The following CRY2 variants were observed in gnomAD, a reference collection of about 807,000 sequenced individuals.
The protein encoded by CRY2 is cryptochrome circadian regulator 2, also known as cryptochrome-2.
Under a neutral mutation model 69.5 loss-of-function variants are expected in CRY2, and 31 were observed. The ratio of observed to expected loss-of-function variants is 0.45; its 90% CI spans 0.34 to 0.60. CRY2 has a LOEUF of 0.60. Among genes scored for constraint, CRY2 ranks in the 20% least tolerant of loss-of-function variants. CRY2 has a pLI of 0.02. For synonymous variants in CRY2, 303 were observed against 312.2 expected (o/e 0.97, Z 0.31); for missense variants, 606 against 797.8 (o/e 0.76, Z 2.90).
intron 1 of CRY2, among the ~76,000 whole-genome samples, 159 bp downstream of exon 1, chr11:45,847,864 T>G (rs1388495153): frequency 5.3e-5 from 8 of 152,190 alleles, no homozygotes; most frequent in Non-Finnish European, 1.0e-4. Flanking sequence ...AACGCGCCGG[T>G]GGGCCAGGGT....
chr11:45,867,562 C>T (rs1339646672), intron 5 of CRY2, 50 bp from the exon 6 acceptor site: 3 of 1,602,872 alleles, frequency 1.9e-6, no homozygotes, highest in Admixed American at 3.4e-5. Context: ...CCATTTTTTC[C>T]TCTGTTACAT....
chr11:45,871,649 G>C (rs1464272209), intron 10 of CRY2, among the ~76,000 whole-genome samples: 1 of 152,252 alleles, frequency 6.6e-6, no homozygotes, highest in Admixed American at 6.5e-5. Flanking sequence ...CCTTCTTGGG[G>C]ATGAAGATGA....
intron 11 of CRY2, among the ~76,000 whole-genome samples, chr11:45,873,724 G>C (rs1565063946): frequency 1.3e-5 from 2 of 152,178 alleles, no homozygotes; most frequent in African/African-American, 2.4e-5. Flanking sequence ...AGATAAAAAG[G>C]AACAATAACC....
At chr11:45,874,820 G>A (rs1351827180) in intron 11 of CRY2, among the ~76,000 whole-genome samples, 1 of 152,088 alleles carries the variant, frequency 6.6e-6, no homozygotes, top group Non-Finnish European at 1.5e-5. Context: ...GCAGGTGCCT[G>A]TAGTCCCAGC....
intron 2 of CRY2, among the ~76,000 whole-genome samples, chr11:45,856,847 A>G (rs557136618): frequency 2.0e-5 from 3 of 151,590 alleles, no homozygotes; most frequent in Non-Finnish European, 4.4e-5. Context: ...CTTGTTTCCC[A>G]TGGGGTAAAT....
In CRY2 at chr11:45,856,097, G is replaced by C. The variant is rs185632883; in HGVS notation, c.324+7G>C. 6.2e-7 allele frequency: 1 copy of C among 1,605,240 alleles called. No individual in the cohort carries two copies. The highest frequency in any genetic ancestry group is 8.5e-7 in the Non-Finnish European group (1 of 1,172,050). On this transcript the variant is annotated splice_region_variant and intron_variant, in intron 2 of 11. Transcript: ENST00000616080. Reference sequence around the variant, plus strand: ...GTTCCCAAGGCTGTTCAAGGTAAGCGTGCAGAGCCCCAGAGAAGACAGTGA... The same window carrying C: ...GTTCCCAAGGCTGTTCAAGGTAAGCCTGCAGAGCCCCAGAGAAGACAGTGA...
rs1167188632 is a variant in CRY2 at position 45,862,109 on chromosome 11, A to G, written c.702A>G (p.Thr234=). ...CAGCTGTCTGGCAGGGAGGAGAGACAGAAGCTCTGGCCCGCCTGGATAAGC... is the reference window on the plus strand; with the variant it reads ...CAGCTGTCTGGCAGGGAGGAGAGACGGAAGCTCTGGCCCGCCTGGATAAGC... ...LGPAVWQGGE[T]EALARLDKHL... is the part of the protein sequence containing the mutation. The change falls in exon 5 of 12, where the codon ACA becomes ACG. Residue 234 remains threonine (T), a synonymous_variant. Coordinates refer to ENST00000616080, the MANE Select transcript of CRY2 (RefSeq NM_021117.5). The G allele has an allele frequency of 1.2e-6, 2 of 1,614,054 alleles. No individual in the cohort carries two copies. Among genetic ancestry groups the G allele is most frequent in the Non-Finnish European group, 8.5e-7 (1 of 1,179,974 alleles).
intron 11 of CRY2, among the ~76,000 whole-genome samples, chr11:45,879,358 G>A (rs141170237): frequency 2.0e-5 from 3 of 152,230 alleles, no homozygotes; most frequent in African/African-American, 7.2e-5. Flanking sequence ...TTTACCATGC[G>A]GCCTTAAAAG....
intron 3 of CRY2, among the ~76,000 whole-genome samples, chr11:45,859,172 A>C (rs547978527): frequency 6.6e-6 from 1 of 152,234 alleles, no homozygotes; most frequent in East Asian, 1.9e-4. Context: ...CCTGTGCCTC[A>C]TATTCCCACT....
At chr11:45,856,733 T>C (rs933157472) in intron 2 of CRY2, among the ~76,000 whole-genome samples, 1 of 151,832 alleles carries the variant, frequency 6.6e-6, no homozygotes, top group Non-Finnish European at 1.5e-5. Context: ...GAGGCGGAGC[T>C]TTCAGTGAGC....
At chr11:45,869,941 C>G (rs574610648) in intron 7 of CRY2, 112 bp from the exon 8 acceptor site, 816 of 1,515,264 alleles carry the variant, frequency 5.4e-4, no homozygotes, top group Non-Finnish European at 7.0e-4. Flanking sequence ...TCCAGATCCT[C>G]TGTGGCTTGC....
chr11:45,863,825 C>T (rs892896199), intron 5 of CRY2, among the ~76,000 whole-genome samples: 4 of 151,940 alleles, frequency 2.6e-5, no homozygotes, highest in Non-Finnish European at 5.9e-5. Context: ...TTTATCCACT[C>T]GGACTAGGAT....
intron 1 of CRY2, among the ~76,000 whole-genome samples, chr11:45,853,278 T>C (rs1004289964): frequency 2.6e-5 from 4 of 152,362 alleles, no homozygotes; most frequent in Non-Finnish European, 2.9e-5. Context: ...TGTAAATGCT[T>C]ATTAAATGTT....
In CRY2 at chr11:45,869,740, C is replaced by T. The variant is rs1315953805; in HGVS notation, c.1117C>T (p.His373Tyr). The part of the protein sequence containing the change: ...MTQLRQEGWI[H>Y]HLARHAVACF... ...CCAACTGAGGCAGGAGGGCTGGATC[C>T]ACCACCTGGCCCGGCATGCCGTGGC... The change falls in exon 7 of 12, where the codon CAC (histidine) becomes TAC (tyrosine). Residue 373 changes from histidine (H) to tyrosine (Y), a missense_variant. His to Tyr is a moderately conservative substitution (Grantham distance 83). Around this residue, in one of 5 missense-constraint regions of CRY2, gnomAD observed 382 missense variants for 508.9 expected, o/e 0.75. Coordinates refer to ENST00000616080, the MANE Select transcript of CRY2 (RefSeq NM_021117.5). 6.2e-7 allele frequency: 1 copy of T among 1,613,982 alleles called. No homozygotes were observed. The highest frequency in any genetic ancestry group is 1.3e-5 in the African/African-American group (1 of 75,072).
intron 10 of CRY2, 94 bp downstream of exon 10, chr11:45,871,028 T>G: frequency 9.7e-7 from 1 of 1,028,910 alleles, no homozygotes; most frequent in Non-Finnish European, 1.4e-6. Context: ...CCTTGCCCAG[T>G]GGAGCTTATA....
intron 11 of CRY2, among the ~76,000 whole-genome samples, chr11:45,875,131 T>C (rs1361528204): frequency 6.6e-6 from 1 of 152,244 alleles, no homozygotes; most frequent in Non-Finnish European, 1.5e-5. Flanking sequence ...GCCCATTGCC[T>C]CCTGAACACA....
chr11:45,879,592 G>A (rs995669027), intron 11 of CRY2, among the ~76,000 whole-genome samples: 2 of 152,254 alleles, frequency 1.3e-5, no homozygotes, highest in African/African-American at 4.8e-5. Flanking sequence ...TCAGACAGAT[G>A]TGGATTTCCT....
chr11:45,863,963 G>A (rs2086309782), intron 5 of CRY2, among the ~76,000 whole-genome samples: 1 of 152,114 alleles, frequency 6.6e-6, no homozygotes, highest in African/African-American at 2.4e-5. Flanking sequence ...AAAGTATTCT[G>A]ATTATTAAAT....
Position 45,874,568 on chromosome 11 carries a change from G to T in CRY2, c.*2+2335G>T, listed in dbSNP as rs185173723. On this transcript the variant is annotated intron_variant, in intron 11 of 11. Coordinates refer to ENST00000616080, the MANE Select transcript of CRY2 (RefSeq NM_021117.5). The stretch of plus-strand genomic sequence containing the variant: ...CATTCCAGGCATTGAGGGTATGGTT[G>T]TATACAAGACTGGCAATATCACTTC... Among the ~76,000 whole-genome samples the T allele has an allele frequency of 7.4e-4, 112 of 152,324 alleles. 1 individual carries two copies. The highest frequency in any genetic ancestry group is 2.6e-3 in the African/African-American group (109 of 41,576).
Sources: allele counts gnomAD v4.1 joint callset (sites outside exome capture counted in the v4.1 genomes callset), GRCh38; gene constraint gnomAD v4.1.1; regional missense constraint gnomAD v4.1.1; transcripts MANE v1.5; gene names NCBI Gene and HGNC (gene_info 2026-07-23, HGNC 2026-07-21).